Variants in SIN3B observed in about 807,000 individuals in gnomAD.
SIN3B encodes the protein SIN3 transcription regulator family member B.
In SIN3B, 19 loss-of-function variants were observed where a neutral mutation model predicts 120.2. The ratio of observed to expected loss-of-function variants is 0.16; its 90% CI spans 0.11 to 0.23. SIN3B has a LOEUF of 0.23. Ranked by LOEUF, SIN3B falls within the 10% of genes least tolerant of loss-of-function variation. SIN3B has a pLI of 1.00. For synonymous variants in SIN3B, 654 were observed against 653.2 expected, an observed-to-expected ratio of 1.00 and a Z score of -0.02; for missense variants, 1,073 against 1,573.0, an observed-to-expected ratio of 0.68 and a Z score of 5.38.
intron 8 of SIN3B, among the ~76,000 whole-genome samples, chr19:16,856,244 G>T (rs1025036266): frequency 5.3e-5 from 8 of 152,092 alleles, no homozygotes; most frequent in African/African-American, 1.9e-4. Context: ...AGGAGTGTGC[G>T]CGGTAGGAGT....
At chr19:16,857,887 CT>C (rs1184165053) in intron 8 of SIN3B, among the ~76,000 whole-genome samples, 2 of 151,172 alleles carry the variant, frequency 1.3e-5, no homozygotes, top group Admixed American at 1.3e-4. Context: ...CTTTTCTTTT[CT>C]TTTTTTGAGA....
chr19:16,874,608 T>C (rs948904068), intron 14 of SIN3B, among the ~76,000 whole-genome samples: 1 of 151,978 alleles, frequency 6.6e-6, no homozygotes, highest in African/African-American at 2.4e-5. Context: ...TTTGGTTTGG[T>C]CTGGTCTGGT....
At chr19:16,863,849 C>T in intron 10 of SIN3B, 53 bp downstream of exon 10, 1 of 1,256,692 alleles carries the variant, frequency 8.0e-7, no homozygotes, top group Non-Finnish European at 1.2e-6. Flanking sequence ...TCCCCTTCTC[C>T]ATGGGACATG....
Position 16,851,498 on chromosome 19 carries a change from G to A in SIN3B, c.813G>A (p.Arg271=), listed in dbSNP as rs569509567. ...CGGAGCACAGCAGGAAGCGCTCCCGGCCCTCGCTCCTCCGCCCCGTGTCTG... is the reference window on the plus strand; with the variant it reads ...CGGAGCACAGCAGGAAGCGCTCCCGACCCTCGCTCCTCCGCCCCGTGTCTG... ...KTPEHSRKRS[R]PSLLRPVSAP... The change falls in exon 6 of 19, where the codon CGG becomes CGA. Residue 271 remains arginine, a synonymous_variant. Transcript: ENST00000248054. 4.4e-6 allele frequency: 7 copies of A among 1,608,498 alleles called. No individual in the cohort carries two copies. The highest frequency in any genetic ancestry group is 5.1e-6 in the Non-Finnish European group (6 of 1,177,726).
In SIN3B at chr19:16,870,322, A is replaced by G. The variant is rs111229493; in HGVS notation, c.2422+247A>G. ...TAGCACCCTCTCCTGACTGGGGAACATTTGTTTCTCATGGGCTTTCTCGTG... is the reference window on the plus strand; with the variant it reads ...TAGCACCCTCTCCTGACTGGGGAACGTTTGTTTCTCATGGGCTTTCTCGTG... On this transcript the variant is annotated intron_variant, in intron 13 of 18. Transcript: ENST00000248054. 4.4e-3 allele frequency among the ~76,000 whole-genome samples: 669 copies of G among 151,414 alleles called. 3 individuals are homozygous for G. The highest frequency in any genetic ancestry group is 0.015 in the African/African-American group (604 of 41,210).
At chr19:16,865,376 A>C (rs1230213928) in intron 10 of SIN3B, 34 bp from the exon 11 acceptor site, 11 of 1,344,814 alleles carry the variant, frequency 8.2e-6, no homozygotes, top group Non-Finnish European at 1.1e-5. Flanking sequence ...TGAGTTCCCC[A>C]GTGGCTGACC....
intron 11 of SIN3B, 113 bp from the exon 12 acceptor site, chr19:16,866,260 G>A (rs553228168): frequency 9.6e-7 from 1 of 1,043,538 alleles, no homozygotes; most frequent in Non-Finnish European, 1.4e-6. Flanking sequence ...GAGCTGGCTG[G>A]GCCTGGGTCC....
At chr19:16,848,144 C>T (rs8104462) in intron 5 of SIN3B, among the ~76,000 whole-genome samples, 23,263 of 152,172 alleles carry the variant, frequency 0.15, 2,038 homozygotes, top group African/African-American at 0.22. Flanking sequence ...TCTGTTTATC[C>T]GTATTCTGTT....
Position 16,878,670 on chromosome 19 carries a change from C to A in SIN3B, c.3336C>A (p.His1112Gln). 1 of 1,612,856 alleles carries A rather than the reference C, an allele frequency of 6.2e-7. No individual in the cohort carries two copies. The highest frequency in any genetic ancestry group is 8.5e-7 in the Non-Finnish European group (1 of 1,179,726). ...CKTLCETVHV[H>Q]GLPVTRYRVQ... The stretch of plus-strand genomic sequence containing the variant: ...CGCTGTGTGAGACAGTGCACGTGCA[C>A]GGCCTGCCCGTGACCCGCTACCGCG... Residue 1112 changes from histidine (H) to glutamine (Q), a missense_variant, in exon 19 of 19, where the codon CAC becomes CAA. His to Gln is a conservative substitution (Grantham distance 24). This residue lies in a region of SIN3B where 311 missense variants were observed against 400.3 expected (regional missense o/e 0.78). Coordinates refer to ENST00000248054, the MANE Select transcript of SIN3B (RefSeq NM_001297595.2).
rs368773167 is a variant in SIN3B, at chr19:16,878,771, C to T, written c.*44C>T. 150 of 1,507,752 alleles carry T rather than the reference C, an allele frequency of 9.9e-5. No individual in the cohort carries two copies. The African/African-American group carries it at 1.9e-3, about 19-fold the overall frequency. The allele number at this position is 1,507,752 out of a possible 1,614,324, so 93.4% of individuals were successfully genotyped here. Reference sequence around the variant, plus strand: ...GGGCAGGCGCCTCACAGAGCACAGACGTGCCCTCGGCCTTGGTCGTGTCGG... The same window carrying T: ...GGGCAGGCGCCTCACAGAGCACAGATGTGCCCTCGGCCTTGGTCGTGTCGG... On this transcript the variant is annotated 3_prime_UTR_variant, in exon 19 of 19. Coordinates refer to ENST00000248054, the MANE Select transcript of SIN3B (RefSeq NM_001297595.2).
At chr19:16,872,846 A>AT (rs1200756427) in intron 14 of SIN3B, among the ~76,000 whole-genome samples, 9 of 152,144 alleles carry the variant, frequency 5.9e-5, no homozygotes, top group Non-Finnish European at 1.5e-5. Flanking sequence ...ATTCTGTGAG[A>AT]TTCCTGTGTT....
intron 3 of SIN3B, among the ~76,000 whole-genome samples, chr19:16,839,259 C>T (rs1021044134): frequency 1.3e-5 from 2 of 152,200 alleles, no homozygotes; most frequent in African/African-American, 4.8e-5. Context: ...TGAGCCACTG[C>T]GCCTGGCCTG....
At chr19:16,857,669 C>T (rs1025405839) in intron 8 of SIN3B, among the ~76,000 whole-genome samples, 2 of 152,094 alleles carry the variant, frequency 1.3e-5, no homozygotes, top group African/African-American at 4.8e-5. Flanking sequence ...CCACCACCCA[C>T]ATCAAAAATA....
rs766539083 is a variant in SIN3B at position 16,876,105 on chromosome 19, C to T, written c.2643C>T (p.Tyr881=). 1.2e-5 allele frequency: 19 copies of T among 1,596,064 alleles called. No individual in the cohort carries two copies. The highest frequency in any genetic ancestry group is 1.5e-5 in the Non-Finnish European group (18 of 1,172,692). ...DDVCLKVVEL[Y]LNEKKRGAAG... is the part of the protein sequence containing the mutation. ...TCTGCCTGAAGGTGGTGGAGCTCTA[C>T]CTGAACGAGAAGAAGCGGGGTGCCG... is the stretch of plus-strand genomic sequence containing the variant. Residue 881 remains tyrosine, a synonymous_variant, in exon 15 of 19, where the codon TAC becomes TAT. Coordinates refer to ENST00000248054, the MANE Select transcript of SIN3B (RefSeq NM_001297595.2). This position sits in a 1 kb window ranked among gnomAD's most constrained non-coding sequence, Gnocchi z 7.1.
chr19:16,875,962 T>C (rs2051599053), intron 14 of SIN3B, 93 bp from the exon 15 acceptor site: 1 of 1,395,302 alleles, frequency 7.2e-7, no homozygotes, highest in African/African-American at 1.4e-5. Flanking sequence ...TCCATCCTGA[T>C]GTGTTTCTGG....
rs908881784 is a variant in SIN3B, at chr19:16,875,832, TTGGTC to T, written c.2593-205_2593-201del. ...TTTGGTCTGGTCTGGTCTGTTTGGT[TTGGTC>T]TGGTCTGGTCTGGTCTGTTTGGTCT... On this transcript the variant is annotated intron_variant, in intron 14 of 18. Coordinates refer to ENST00000248054, the MANE Select transcript of SIN3B (RefSeq NM_001297595.2). The T allele has an allele frequency of 2.3e-3, 1,327 of 576,918 alleles. 18 individuals are homozygous for T. The African/African-American group carries it at 0.023, about 10-fold the overall frequency. 35.7% of individuals were successfully genotyped at this position (576,918 alleles called of 1,614,324 possible). A position where few individuals can be genotyped will look rare whatever the true frequency, so the allele number is the denominator to read the frequency against.
intron 8 of SIN3B, 132 bp downstream of exon 8, chr19:16,854,393 G>A: frequency 1.6e-6 from 1 of 628,032 alleles, no homozygotes; most frequent in Non-Finnish European, 2.8e-6. Flanking sequence ...TGACGTGATT[G>A]ATATAATTAT....
chr19:16,872,686 C>T (rs10410744), intron 14 of SIN3B: 11,976 of 152,150 alleles, frequency 0.079, 914 homozygotes, highest in African/African-American at 0.19. Flanking sequence ...TCAGGTGATC[C>T]GCCTCCCTTG....
intron 5 of SIN3B, among the ~76,000 whole-genome samples, chr19:16,849,666 G>C (rs1971520275): frequency 6.6e-6 from 1 of 152,228 alleles, no homozygotes; most frequent in South Asian, 2.1e-4. Flanking sequence ...GGGAAGATCT[G>C]CTATACCTGC....
Sources: allele counts gnomAD v4.1 joint callset (sites outside exome capture counted in the v4.1 genomes callset), GRCh38; gene constraint gnomAD v4.1.1; regional missense constraint gnomAD v4.1.1; non-coding constraint Gnocchi (gnomAD v3.1); transcripts MANE v1.5; gene names NCBI Gene and HGNC (gene_info 2026-07-23, HGNC 2026-07-21).